MINDY3: variants seen among roughly 807,000 people sequenced by gnomAD.
MINDY3 encodes the protein ubiquitin carboxyl-terminal hydrolase MINDY-3.
A neutral mutation model predicts 69.2 loss-of-function variants in MINDY3; 38 were observed. The observed-to-expected ratio is 0.55, with a 90% CI of 0.42 to 0.72. MINDY3 has a LOEUF of 0.72. MINDY3 is among the 30% of genes least tolerant of loss of function. MINDY3 has a pLI of 0.00. For missense variants in MINDY3, 522 were observed against 519.0 expected (o/e 1.01, Z -0.06); for synonymous variants, 192 against 180.1 (o/e 1.07, Z -0.53).
chr10:15,809,386 G>A (rs955888027), intron 10 of MINDY3, among the ~76,000 whole-genome samples: 3 of 152,214 alleles, frequency 2.0e-5, no homozygotes, highest in Admixed American at 6.6e-5. Flanking sequence ...TTCCTTAAGC[G>A]TCTACTTTTC....
At chr10:15,827,434 G>C (rs1164706248) in intron 8 of MINDY3, among the ~76,000 whole-genome samples, 1 of 151,750 alleles carries the variant, frequency 6.6e-6, no homozygotes, top group African/African-American at 2.4e-5. Flanking sequence ...CCAGCTACTC[G>C]GGAGGCTGAG....
At chr10:15,797,370 A>T (rs1322759919) in intron 10 of MINDY3, among the ~76,000 whole-genome samples, 1 of 152,116 alleles carries the variant, frequency 6.6e-6, no homozygotes, top group African/African-American at 2.4e-5. Flanking sequence ...GTTGTCTCTC[A>T]TTTACCATCC....
intron 11 of MINDY3, among the ~76,000 whole-genome samples, chr10:15,792,465 G>GC (rs1837491034): frequency 6.6e-6 from 1 of 152,116 alleles, no homozygotes; most frequent in East Asian, 1.9e-4. Flanking sequence ...AAAACTGTTA[G>GC]CTGGGGATGC....
chr10:15,854,945 G>A (rs1035143123), intron 1 of MINDY3, among the ~76,000 whole-genome samples: 1 of 152,102 alleles, frequency 6.6e-6, no homozygotes, highest in African/African-American at 2.4e-5. Context: ...CTCTTCTACT[G>A]AGAATAAGGA....
intron 1 of MINDY3, among the ~76,000 whole-genome samples, chr10:15,854,281 C>T (rs1319875100): frequency 6.6e-6 from 1 of 152,120 alleles, no homozygotes; most frequent in Non-Finnish European, 1.5e-5. Context: ...TACTACCATA[C>T]TTCTCATGCC....
intron 10 of MINDY3, among the ~76,000 whole-genome samples, chr10:15,796,518 C>T (rs1837847960): frequency 6.7e-6 from 1 of 150,180 alleles, no homozygotes; most frequent in African/African-American, 2.4e-5. Flanking sequence ...AAAACAAAAC[C>T]CAAACCATTT....
chr10:15,782,222 G>A lies in MINDY3; in HGVS notation c.1121C>T (p.Ser374Phe). The stretch of plus-strand genomic sequence containing the variant: ...GACAGTAAAAGATTCTGGACCACTG[G>A]AGCCCTATTATAAATAAAGGACTAT... ...FLQEFFPDQG[S>F]SGPESFTVYH... is the part of the protein sequence containing the mutation. Residue 374 changes from serine (S) to phenylalanine (F), a missense_variant, in exon 14 of 15, where the codon TCC (serine) becomes TTC (phenylalanine). Transcript: ENST00000277632. 1 of 1,599,136 alleles carries A rather than the reference G, an allele frequency of 6.3e-7. No individual in the cohort carries two copies. Among genetic ancestry groups the A allele is most frequent in the Non-Finnish European group, 8.6e-7 (1 of 1,169,218 alleles).
intron 8 of MINDY3, among the ~76,000 whole-genome samples, chr10:15,825,038 C>T (rs952391016): frequency 7.2e-5 from 11 of 152,092 alleles, no homozygotes; most frequent in African/African-American, 1.7e-4. Flanking sequence ...TCACATGTTA[C>T]GATTTATAGA....
rs1282835406 is a variant in MINDY3 at position 15,860,266 on chromosome 10, C to A, written c.34G>T (p.Val12Leu). ...SELTKELMEL[V>L]WGTKSSPGLS... is the part of the protein sequence containing the mutation. ...CCGGGGCTGCTCTTGGTGCCCCACA[C>A]CAGCTCCATCAGCTCTTTAGTCAGT... Residue 12 changes from valine (V) to leucine (L), a missense_variant, in exon 1 of 15, where the codon GTG becomes TTG. Physicochemically the swap from Val to Leu is conservative, Grantham distance 32 (BLOSUM62 1). Coordinates refer to ENST00000277632, the MANE Select transcript of MINDY3 (RefSeq NM_024948.4). The A allele has an allele frequency of 1.2e-6, 2 of 1,610,152 alleles. No individual in the cohort carries two copies. Among genetic ancestry groups the A allele is most frequent in the African/African-American group, 1.3e-5 (1 of 74,922 alleles).
At chr10:15,781,483 G>A (rs539407319) in intron 14 of MINDY3, among the ~76,000 whole-genome samples, 2 of 151,500 alleles carry the variant, frequency 1.3e-5, no homozygotes, top group African/African-American at 4.8e-5. Context: ...CACACAAAAA[G>A]GGGAAATCAA....
chr10:15,842,653 G>T (rs951916030), intron 3 of MINDY3, among the ~76,000 whole-genome samples: 29 of 151,876 alleles, frequency 1.9e-4, no homozygotes, highest in African/African-American at 7.0e-4. Flanking sequence ...TTACTGTGAG[G>T]TTCACAGGAA....
In MINDY3 at chr10:15,779,116, A is replaced by G. The variant is rs1382684589; in HGVS notation, c.1214T>C (p.Val405Ala). Residue 405 changes from valine to alanine, a missense_variant, in exon 15 of 15, where the codon GTT becomes GCT. Val to Ala is a moderately conservative substitution (Grantham distance 64, BLOSUM62 0). Transcript: ENST00000277632. ...CATGGGATCTTCAAAACCCATCACA[A>G]CTGCAGTCCCTTCTACGTACATGAC... is the stretch of plus-strand genomic sequence containing the variant. ...EKVMYVEGTA[V>A]VMGFEDPMLQ... The G allele has an allele frequency of 1.9e-6, 3 of 1,613,496 alleles. No individual in the cohort carries two copies. The highest frequency in any genetic ancestry group is 2.2e-5 in the East Asian group (1 of 44,866).
chr10:15,843,317 T>A, intron 2 of MINDY3, 45 bp from the exon 3 acceptor site: 1 of 1,413,364 alleles, frequency 7.1e-7, no homozygotes, highest in Non-Finnish European at 1.0e-6. Flanking sequence ...ATTATAACCA[T>A]ACATCATATC....
At chr10:15,813,280 G>C (rs79246501) in intron 10 of MINDY3, among the ~76,000 whole-genome samples, 2,098 of 152,190 alleles carry the variant, frequency 0.014, 49 homozygotes, top group African/African-American at 0.047. Flanking sequence ...TTGTCTTTCA[G>C]TTTGTTCTCA....
intron 8 of MINDY3, among the ~76,000 whole-genome samples, chr10:15,826,009 T>A (rs1223302352): frequency 6.6e-6 from 1 of 152,002 alleles, no homozygotes; most frequent in East Asian, 1.9e-4. Flanking sequence ...ACAAAAATAA[T>A]GTACAAATAC....
At chr10:15,852,457 G>T (rs1834373021) in intron 1 of MINDY3, among the ~76,000 whole-genome samples, 1 of 152,108 alleles carries the variant, frequency 6.6e-6, no homozygotes, top group Non-Finnish European at 1.5e-5. Context: ...AAGTGAATGA[G>T]AACTTGTAAA....
intron 6 of MINDY3, among the ~76,000 whole-genome samples, chr10:15,835,293 A>G (rs544277922): frequency 1.3e-5 from 2 of 152,136 alleles, no homozygotes; most frequent in Non-Finnish European, 2.9e-5. Context: ...AACCTCATCA[A>G]TTCCAGAAGG....
At chr10:15,834,128 GTT>G (rs901788367) in intron 7 of MINDY3, among the ~76,000 whole-genome samples, 1 of 151,900 alleles carries the variant, frequency 6.6e-6, no homozygotes, top group Non-Finnish European at 1.5e-5. Flanking sequence ...AACTATCACT[GTT>G]TCATTGAGTT....
At chr10:15,836,292 T>A (rs191145257) in intron 6 of MINDY3, among the ~76,000 whole-genome samples, 19 of 152,128 alleles carry the variant, frequency 1.2e-4, no homozygotes, top group Admixed American at 1.2e-3. Flanking sequence ...TGCATCAAGG[T>A]CCTATCTCTG....
Sources: allele counts gnomAD v4.1 joint callset (sites outside exome capture counted in the v4.1 genomes callset), GRCh38; gene constraint gnomAD v4.1.1; transcripts MANE v1.5; gene names NCBI Gene and HGNC (gene_info 2026-07-23, HGNC 2026-07-21).